Variants in RNF17 observed in about 807,000 individuals in gnomAD.
RNF17 encodes ring finger protein 17, also known as spermatogenesis associated 23.
In RNF17, 31 loss-of-function variants were observed where a neutral mutation model predicts 200.5. The ratio of observed to expected loss-of-function variants is 0.15; its 90% CI spans 0.12 to 0.21. The LOEUF (loss-of-function observed/expected upper bound fraction) is 0.21, where lower values mean the gene tolerates loss of function less well. Ranked by LOEUF, RNF17 falls within the 10% of genes least tolerant of loss-of-function variation. RNF17 has a pLI of 1.00. For missense variants in RNF17, 1,628 were observed against 1,905.1 expected (o/e 0.85, Z 2.71); for synonymous variants, 606 against 637.8 (o/e 0.95, Z 0.75).
chr13:24,757,480 T>C, the RNF17 span, among the ~76,000 whole-genome samples: 3 of 152,060 alleles, frequency 2.0e-5, no homozygotes, highest in Non-Finnish European at 2.9e-5. Flanking sequence ...TGTGCCACCA[T>C]GCCTGGCTAA....
intron 24 of RNF17, among the ~76,000 whole-genome samples, chr13:24,852,737 G>T (rs1324346689): frequency 6.6e-6 from 1 of 152,178 alleles, no homozygotes; most frequent in African/African-American, 2.4e-5. Flanking sequence ...AGAAATGTTA[G>T]AATGGAAAAT....
At chr13:24,853,775 T>G in intron 24 of RNF17, 80 bp from the exon 25 acceptor site, 1 of 1,065,608 alleles carries the variant, frequency 9.4e-7, no homozygotes, top group Non-Finnish European at 1.3e-6. Context: ...CATGTATATC[T>G]GAATGATTCT....
intron 15 of RNF17, among the ~76,000 whole-genome samples, chr13:24,807,694 G>C (rs1886064030): frequency 6.6e-6 from 1 of 151,594 alleles, no homozygotes; most frequent in Non-Finnish European, 1.5e-5. Context: ...CATTGCTTTT[G>C]GTGTTTTAGA....
chr13:24,781,982 G>C (rs761542790), intron 6 of RNF17, 38 bp downstream of exon 6: 1 of 1,247,644 alleles, frequency 8.0e-7, no homozygotes, highest in Non-Finnish European at 1.2e-6. Flanking sequence ...TGAAACTGAA[G>C]TTTCTAACAC....
At chr13:24,762,078 G>A (rs1286101801), upstream of RNF17, among the ~76,000 whole-genome samples, 2 of 152,168 alleles carry the variant, frequency 1.3e-5, no homozygotes, top group African/African-American at 2.4e-5. Context: ...GAAGGATAAG[G>A]AGAATATGGG....
chr13:24,887,425 T>G, the RNF17 span, among the ~76,000 whole-genome samples: 1 of 152,188 alleles, frequency 6.6e-6, no homozygotes, highest in African/African-American at 2.4e-5. Context: ...CATTACCACC[T>G]GAGCTCCACC....
intron 15 of RNF17, among the ~76,000 whole-genome samples, chr13:24,806,879 A>G (rs1009714234): frequency 4.1e-5 from 6 of 145,770 alleles, no homozygotes; most frequent in Non-Finnish European, 7.4e-5. Flanking sequence ...ATTCCCACCT[A>G]TGAGTAAGAA....
chr13:24,874,414 C>CTT (rs67456137), intron 33 of RNF17, among the ~76,000 whole-genome samples, 165 bp downstream of exon 33: 193 of 137,246 alleles, frequency 1.4e-3, no homozygotes, highest in African/African-American at 2.8e-3. Context: ...ACCATTGTAG[C>CTT]TTTTTTTTTT....
chr13:24,804,497 A>G, intron 15 of RNF17, 68 bp downstream of exon 15: 1 of 1,204,780 alleles, frequency 8.3e-7, no homozygotes, highest in Non-Finnish European at 1.2e-6. Flanking sequence ...TATAACAAGA[A>G]TGAGTATCTA....
upstream of RNF17, among the ~76,000 whole-genome samples, chr13:24,762,369 TAAAAAA>T (rs370600110): frequency 0.25 from 27,941 of 113,230 alleles, 3,477 homozygotes; most frequent in East Asian, 0.38. Context: ...ACTCCATTTC[TAAAAAA>T]AAAAAAAAAA....
intron 33 of RNF17, among the ~76,000 whole-genome samples, chr13:24,874,690 G>A (rs78411775): frequency 6.6e-6 from 1 of 152,090 alleles, no homozygotes; most frequent in Non-Finnish European, 1.5e-5. Flanking sequence ...GGGATTACAG[G>A]TGTCAGCCAC....
intron 18 of RNF17, among the ~76,000 whole-genome samples, chr13:24,832,811 A>G (rs556428317): frequency 3.2e-4 from 48 of 152,198 alleles, no homozygotes; most frequent in African/African-American, 1.0e-3. Context: ...GGTGTGAACA[A>G]TGGCTCACTG....
At chr13:24,770,538 T>TA (rs767890080) in intron 2 of RNF17, among the ~76,000 whole-genome samples, 1 of 152,130 alleles carries the variant, frequency 6.6e-6, no homozygotes, top group Non-Finnish European at 1.5e-5. Context: ...TATATAGAAA[T>TA]AAAGTTTTTA....
downstream of RNF17, among the ~76,000 whole-genome samples, chr13:24,881,996 A>C (rs1207696325): frequency 6.9e-4 from 32 of 46,096 alleles, 5 homozygotes; most frequent in African/African-American, 2.3e-3. Context: ...ATATAGATAC[A>C]TCTATATAGA....
At chr13:24,755,591 C>T in the RNF17 span, among the ~76,000 whole-genome samples, 2 of 152,098 alleles carry the variant, frequency 1.3e-5, no homozygotes, top group East Asian at 1.9e-4. Context: ...TAAATTCACC[C>T]GGATAGAGTT....
At chr13:24,885,085 T>C in the RNF17 span, among the ~76,000 whole-genome samples, 2 of 152,214 alleles carry the variant, frequency 1.3e-5, no homozygotes, top group Non-Finnish European at 2.9e-5. Flanking sequence ...TGCCAAGGAT[T>C]ACAAAGGCTT....
intron 15 of RNF17, among the ~76,000 whole-genome samples, chr13:24,807,490 G>T (rs1886036458): frequency 6.6e-6 from 1 of 151,972 alleles, no homozygotes; most frequent in African/African-American, 2.4e-5. Flanking sequence ...ACTTTTTGAT[G>T]GGGTTGTTTT....
intron 11 of RNF17, 46 bp downstream of exon 11, chr13:24,796,341 A>T: frequency 7.3e-7 from 1 of 1,376,634 alleles, no homozygotes; most frequent in South Asian, 1.5e-5. Flanking sequence ...TTATTTAAAT[A>T]ATATAATAAC....
intron 15 of RNF17, among the ~76,000 whole-genome samples, chr13:24,816,094 C>G (rs1378598625): frequency 1.3e-5 from 2 of 152,094 alleles, no homozygotes; most frequent in Non-Finnish European, 2.9e-5. Context: ...GAAATGAGGT[C>G]TCACTATGTT....
Sources: gnomAD v4.1 joint callset for allele counts (sites outside exome capture counted in the v4.1 genomes callset) on GRCh38, gnomAD v4.1.1 for gene constraint, MANE v1.5 for transcripts, NCBI Gene and HGNC (gene_info 2026-07-23, HGNC 2026-07-21) for gene names.